The following ARHGAP5 variants were observed in gnomAD, a reference collection of about 807,000 sequenced individuals.
ARHGAP5 encodes the protein rho GTPase-activating protein 5.
In ARHGAP5, 23 loss-of-function variants were observed where a neutral mutation model predicts 116.6. That is an observed-to-expected ratio of 0.20 (90% CI 0.14 to 0.28). ARHGAP5 has a LOEUF of 0.28. Among genes scored for constraint, ARHGAP5 ranks in the 10% least tolerant of loss-of-function variants. ARHGAP5 has a pLI of 1.00. For synonymous variants in ARHGAP5, 574 were observed against 602.0 expected, an observed-to-expected ratio of 0.95 and a Z score of 0.68; for missense variants, 1,405 against 1,774.8, an observed-to-expected ratio of 0.79 and a Z score of 3.74.
At chr14:32,105,445 A>G (rs1353034481) in intron 2 of ARHGAP5, among the ~76,000 whole-genome samples, 5 of 151,680 alleles carry the variant, frequency 3.3e-5, no homozygotes, top group African/African-American at 1.2e-4. Context: ...TAAAGATTCT[A>G]TTTTGAGCTA....
Position 32,149,301 on chromosome 14 carries a change from C to T in ARHGAP5, c.3944-601C>T, listed in dbSNP as rs1881533181. 2.6e-5 allele frequency among the ~76,000 whole-genome samples: 4 copies of T among 151,850 alleles called. 1 individual carries two copies. In the South Asian group the frequency reaches 8.3e-4, roughly 32 times the overall value. Reference sequence around the variant, plus strand: ...GAGTAGCTGGGACTACAGGTACGCACCACCTCACCTGCCTCTTGTGGCCTC... The same window carrying T: ...GAGTAGCTGGGACTACAGGTACGCATCACCTCACCTGCCTCTTGTGGCCTC... On this transcript the variant is annotated intron_variant, in intron 4 of 6. Coordinates refer to ENST00000345122, the MANE Select transcript of ARHGAP5 (RefSeq NM_001030055.2).
At position 32,158,356 on chromosome 14, in the gene ARHGAP5, C is replaced by T. The variant is rs1314531106; in HGVS notation, c.*3408C>T. 1 of 151,842 alleles carries T rather than the reference C, an allele frequency of 6.6e-6. No individual in the cohort carries two copies. Among genetic ancestry groups the T allele is most frequent in the African/African-American group, 2.4e-5 (1 of 41,398 alleles). 9.4% of individuals were successfully genotyped at this position (151,842 alleles called of 1,614,324 possible). On this transcript the variant is annotated 3_prime_UTR_variant, in exon 7 of 7. Coordinates refer to ENST00000345122, the MANE Select transcript of ARHGAP5 (RefSeq NM_001030055.2). ...TTGATTTTTTAAATTATCAGGAAAA[C>T]AAGATAATGCACAGATTTCTAAGAC... is the stretch of plus-strand genomic sequence containing the variant.
intron 2 of ARHGAP5, among the ~76,000 whole-genome samples, chr14:32,105,299 A>G (rs963936653): frequency 6.6e-5 from 10 of 152,058 alleles, no homozygotes; most frequent in Non-Finnish European, 1.0e-4. Context: ...GCTACATGCT[A>G]TTGTCATTTA....
chr14:32,125,759 T>C (rs756955401), intron 3 of ARHGAP5, among the ~76,000 whole-genome samples: 1 of 152,224 alleles, frequency 6.6e-6, no homozygotes. Flanking sequence ...AGTCTTCGAA[T>C]CCATGAATGT....
chr14:32,101,358 A>T (rs994347466), intron 2 of ARHGAP5, among the ~76,000 whole-genome samples: 4 of 152,210 alleles, frequency 2.6e-5, no homozygotes, highest in Admixed American at 6.5e-5. Flanking sequence ...ATATTAGCAA[A>T]TCATGACTTC....
At chr14:32,123,893 C>G (rs1204055519) in intron 3 of ARHGAP5, among the ~76,000 whole-genome samples, 1 of 152,048 alleles carries the variant, frequency 6.6e-6, no homozygotes, top group Admixed American at 6.6e-5. Context: ...CCCTGTGCCC[C>G]ATTTATATTA....
At chr14:32,134,766 T>C (rs1217848626) in intron 3 of ARHGAP5, among the ~76,000 whole-genome samples, 1 of 152,220 alleles carries the variant, frequency 6.6e-6, no homozygotes, top group Non-Finnish European at 1.5e-5. Context: ...CATGTGTTTG[T>C]CTTTTGCTTA....
chr14:32,093,531 A>T lies in ARHGAP5; in HGVS notation c.2862A>T (p.Thr954=), dbSNP rs1420784005. The part of the protein sequence containing the change: ...MIENSYLSDN[T]RESTHQSEDV... ...AAAATTCTTATTTGTCTGATAATACAAGGGAATCAACCCATCAAAGTGAAG... is the reference window on the plus strand; with the variant it reads ...AAAATTCTTATTTGTCTGATAATACTAGGGAATCAACCCATCAAAGTGAAG... Residue 954 remains threonine, a synonymous_variant, in exon 2 of 7, where the codon ACA becomes ACT. Coordinates refer to ENST00000345122, the MANE Select transcript of ARHGAP5 (RefSeq NM_001030055.2). The T allele has an allele frequency of 6.2e-7, 1 of 1,613,728 alleles. No homozygotes were observed.
chr14:32,104,522 C>G (rs1458786504), intron 2 of ARHGAP5, among the ~76,000 whole-genome samples: 1 of 152,146 alleles, frequency 6.6e-6, no homozygotes, highest in Non-Finnish European at 1.5e-5. Flanking sequence ...GACTTTCAGC[C>G]AGCACTTACG....
chr14:32,128,573 T>C (rs1263952344), intron 3 of ARHGAP5, among the ~76,000 whole-genome samples: 1 of 152,232 alleles, frequency 6.6e-6, no homozygotes, highest in Non-Finnish European at 1.5e-5. Flanking sequence ...GGCAGGATCT[T>C]GGCATTCCTT....
chr14:32,091,806 G>A lies in ARHGAP5; in HGVS notation c.1137G>A (p.Val379=). The A allele has an allele frequency of 6.2e-7, 1 of 1,613,512 alleles. No homozygotes were observed. Among genetic ancestry groups the A allele is most frequent in the Non-Finnish European group, 8.5e-7 (1 of 1,179,614 alleles). Residue 379 remains valine (V), a synonymous_variant, in exon 2 of 7, where the codon GTG becomes GTA. Coordinates refer to ENST00000345122, the MANE Select transcript of ARHGAP5 (RefSeq NM_001030055.2). ...EKRADFQLCF[V]VLEKTPWDET... is the part of the protein sequence containing the mutation. ...GAGCAGATTTCCAGTTATGTTTTGT[G>A]GTGCTAGAAAAAACTCCTTGGGATG...
chr14:32,094,486 A>G (rs1878428690), intron 2 of ARHGAP5, 100 bp downstream of exon 2: 2 of 859,360 alleles, frequency 2.3e-6, no homozygotes, highest in Non-Finnish European at 3.5e-6. Context: ...TTCATTCCAT[A>G]CATAATAATT....
At chr14:32,131,495 C>T (rs1008695029) in intron 3 of ARHGAP5, among the ~76,000 whole-genome samples, 38 of 152,062 alleles carry the variant, frequency 2.5e-4, no homozygotes, top group Admixed American at 5.9e-4. Flanking sequence ...TTTTATGAAA[C>T]GCCAACCCCC....
intron 1 of ARHGAP5, among the ~76,000 whole-genome samples, chr14:32,084,190 A>AG (rs2041806010): frequency 6.6e-6 from 1 of 152,192 alleles, no homozygotes; most frequent in South Asian, 2.1e-4. Context: ...TCAGCAGTGA[A>AG]GTTTTTTTCA....
At position 32,104,589 on chromosome 14, in the gene ARHGAP5, A is replaced by C. The variant is rs549812654; in HGVS notation, c.3717+10203A>C. Among the ~76,000 whole-genome samples the C allele has an allele frequency of 2.6e-5, 4 of 152,298 alleles. No homozygotes were observed. In the East Asian group the frequency reaches 7.7e-4, roughly 29 times the overall value. On this transcript the variant is annotated intron_variant, in intron 2 of 6. Coordinates refer to ENST00000345122, the MANE Select transcript of ARHGAP5 (RefSeq NM_001030055.2). ...AACCTTTAGAGTGCTGGGTCCCCTG[A>C]AGGCTTCTTTCTTACACCAGTGTGT...
At position 32,093,963 on chromosome 14, in the gene ARHGAP5, T is replaced by A; in HGVS notation, c.3294T>A (p.Ile1098=). 1 of 1,613,858 alleles carries A rather than the reference T, an allele frequency of 6.2e-7. No homozygotes were observed. The highest frequency in any genetic ancestry group is 1.1e-5 in the South Asian group (1 of 90,962). The change falls in exon 2 of 7, where the codon ATT becomes ATA. Residue 1098 remains isoleucine (I), a synonymous_variant. Coordinates refer to ENST00000345122, the MANE Select transcript of ARHGAP5 (RefSeq NM_001030055.2). ...ACTATGCGGAACCCATTGATACAAT[T>A]TTCAAACAGAAGGGCTATTCTGATG... ...SDNYAEPIDT[I]FKQKGYSDEI...
chr14:32,112,994 T>C (rs973436890), intron 2 of ARHGAP5, among the ~76,000 whole-genome samples: 3 of 152,228 alleles, frequency 2.0e-5, no homozygotes, highest in Non-Finnish European at 4.4e-5. Flanking sequence ...TAAAATACCA[T>C]GCTACTAATT....
chr14:32,154,182 C>A, intron 6 of ARHGAP5: 1 of 157,864 alleles, frequency 6.3e-6, no homozygotes, highest in Non-Finnish European at 1.4e-5. Context: ...TTTCACTTCA[C>A]TCTTGTTGCC....
chr14:32,129,097 A>T (rs79569311), intron 3 of ARHGAP5, among the ~76,000 whole-genome samples: 6 of 152,170 alleles, frequency 3.9e-5, no homozygotes. Context: ...CTAGTTTGCA[A>T]CTTCTAATCT....
Sources: gnomAD v4.1 joint callset for allele counts (sites outside exome capture counted in the v4.1 genomes callset) on GRCh38, gnomAD v4.1.1 for gene constraint, MANE v1.5 for transcripts, NCBI Gene and HGNC (gene_info 2026-07-23, HGNC 2026-07-21) for gene names.